COL24A1: variants seen among roughly 807,000 people sequenced by gnomAD.
COL24A1 encodes the protein collagen type XXIV alpha 1 chain, also known as collagen alpha-1(XXIV) chain.
COL24A1 carries 224 observed loss-of-function variants against 253.9 expected under a neutral mutation model. The observed-to-expected ratio is 0.88, with a 90% CI of 0.79 to 0.99. COL24A1 has a LOEUF of 0.99. COL24A1 is among the 50% of genes least tolerant of loss of function. The pLI, the probability that COL24A1 is intolerant of heterozygous loss-of-function variation, is 0.00. For synonymous variants in COL24A1, 685 were observed against 673.7 expected, an observed-to-expected ratio of 1.02 and a Z score of -0.26; for missense variants, 2,131 against 2,068.5, an observed-to-expected ratio of 1.03 and a Z score of -0.59.
chr1:85,921,542 TG>T (rs1291080212), intron 24 of COL24A1, among the ~76,000 whole-genome samples: 1 of 152,034 alleles, frequency 6.6e-6, no homozygotes, highest in African/African-American at 2.4e-5. Flanking sequence ...TGGTCTGGAG[TG>T]GACCTCCAGC....
At chr1:85,797,589 G>T (rs1670972791) in intron 47 of COL24A1, among the ~76,000 whole-genome samples, 2 of 152,300 alleles carry the variant, frequency 1.3e-5, no homozygotes, top group South Asian at 4.1e-4. Context: ...AAACTAAGAT[G>T]CCTGGTTTGA....
chr1:86,054,551 C>A (rs549071416), intron 10 of COL24A1, among the ~76,000 whole-genome samples: 1 of 152,004 alleles, frequency 6.6e-6, no homozygotes, highest in African/African-American at 2.4e-5. Context: ...AAATGCTCAA[C>A]GTAACTAATC....
intron 19 of COL24A1, among the ~76,000 whole-genome samples, chr1:85,996,642 CA>C (rs1694824434): frequency 6.6e-6 from 1 of 151,810 alleles, no homozygotes; most frequent in Non-Finnish European, 1.5e-5. Flanking sequence ...TCTCAAAAAA[CA>C]AAACAAAACA....
intron 24 of COL24A1, among the ~76,000 whole-genome samples, chr1:85,934,293 A>G (rs996320937): frequency 6.6e-6 from 1 of 152,214 alleles, no homozygotes; most frequent in Non-Finnish European, 1.5e-5. Context: ...AGTAGACTGC[A>G]CACTTCAGAT....
At chr1:85,966,286 A>T (rs1691563677) in intron 22 of COL24A1, among the ~76,000 whole-genome samples, 2 of 152,124 alleles carry the variant, frequency 1.3e-5, no homozygotes, top group East Asian at 1.9e-4. Context: ...GAGGGTAAAT[A>T]AGAAGCTAAG....
chr1:85,924,531 A>C (rs200677742), intron 24 of COL24A1, among the ~76,000 whole-genome samples: 1 of 152,186 alleles, frequency 6.6e-6, no homozygotes, highest in Non-Finnish European at 1.5e-5. Context: ...CAAATCAATA[A>C]ACATAATCCA....
rs186531231 is a variant in COL24A1 at position 85,955,856 on chromosome 1, A to G, written c.2562+5393T>C. On this transcript the variant is annotated intron_variant, in intron 24 of 59. Transcript: ENST00000370571. ...CTCTTTCAAAGTCTTTCCTATTTCT[A>G]TCACAAATACATTAAGTTATATTTT... 1.1e-3 allele frequency among the ~76,000 whole-genome samples: 171 copies of G among 152,344 alleles called. 1 individual carries two copies. The highest frequency in any genetic ancestry group is 3.8e-3 in the African/African-American group (156 of 41,586).
chr1:86,029,763 G>GCT (rs370292023), intron 14 of COL24A1: 2 of 151,872 alleles, frequency 1.3e-5, no homozygotes, highest in African/African-American at 4.8e-5. Context: ...CTACAGGTGT[G>GCT]CTCTACCTCA....
Position 86,089,192 on chromosome 1 carries a change from A to G in COL24A1, c.1689T>C (p.Pro563=). Residue 563 remains proline, a synonymous_variant, in exon 7 of 60, where the codon CCT becomes CCC. Coordinates refer to ENST00000370571, the MANE Select transcript of COL24A1 (RefSeq NM_152890.7). ...AACTTACCTTATCACCTTGCATACC[A>G]GGGGGGCCCATTAATCCAGAAAGGC... ...DQGLSGLMGP[P]GMQGDKGLKG... 1 of 1,585,666 alleles carries G rather than the reference A, an allele frequency of 6.3e-7. No homozygotes were observed. The highest frequency in any genetic ancestry group is 1.7e-4 in the Middle Eastern group (1 of 5,970).
intron 2 of COL24A1, among the ~76,000 whole-genome samples, chr1:86,142,585 T>C (rs999848666): frequency 1.3e-5 from 2 of 150,650 alleles, no homozygotes; most frequent in African/African-American, 4.9e-5. Flanking sequence ...AATAAGAAAT[T>C]AAACAAAATG....
chr1:86,099,785 C>T (rs1704284687), intron 5 of COL24A1, among the ~76,000 whole-genome samples: 1 of 152,126 alleles, frequency 6.6e-6, no homozygotes, highest in Non-Finnish European at 1.5e-5. Context: ...CAACTGGTAT[C>T]CCTGTTTCCA....
chr1:86,088,245 T>G (rs1017667863), intron 7 of COL24A1, among the ~76,000 whole-genome samples: 4 of 152,150 alleles, frequency 2.6e-5, no homozygotes, highest in Non-Finnish European at 4.4e-5. Context: ...CAGTTGGGGT[T>G]TGAACGAAGC....
At chr1:85,894,792 G>C (rs551314453) in intron 31 of COL24A1, among the ~76,000 whole-genome samples, 1 of 152,214 alleles carries the variant, frequency 6.6e-6, no homozygotes, top group South Asian at 2.1e-4. Context: ...TTCTGTCTTA[G>C]GTCTCTGGTA....
At chr1:85,907,568 A>G (rs1684960696) in intron 27 of COL24A1, among the ~76,000 whole-genome samples, 1 of 151,796 alleles carries the variant, frequency 6.6e-6, no homozygotes, top group Non-Finnish European at 1.5e-5. Flanking sequence ...TGAGCTAGAC[A>G]GACCGGTCTA....
intron 35 of COL24A1, among the ~76,000 whole-genome samples, chr1:85,873,640 A>G (rs997116274): frequency 6.6e-6 from 1 of 152,214 alleles, no homozygotes; most frequent in Non-Finnish European, 1.5e-5. Context: ...ATAAACAATG[A>G]GAACACTTGG....
chr1:85,938,972 CTCTT>C (rs1285262291), intron 24 of COL24A1, among the ~76,000 whole-genome samples: 6 of 152,288 alleles, frequency 3.9e-5, no homozygotes, highest in African/African-American at 2.4e-5. Context: ...TCTTCCCTGA[CTCTT>C]TCTACAACTG....
chr1:86,010,375 A>C (rs191383783), intron 19 of COL24A1, among the ~76,000 whole-genome samples: 2 of 152,292 alleles, frequency 1.3e-5, no homozygotes, highest in East Asian at 3.9e-4. Flanking sequence ...GAGTAAAATG[A>C]CCAAATACCT....
chr1:86,061,602 A>G (rs1407248612), intron 8 of COL24A1, among the ~76,000 whole-genome samples: 4 of 152,068 alleles, frequency 2.6e-5, no homozygotes, highest in Non-Finnish European at 5.9e-5. Flanking sequence ...CTCAATGTCT[A>G]AGTTCTGCTA....
At chr1:85,834,062 C>T (rs1334472112) in intron 43 of COL24A1, among the ~76,000 whole-genome samples, 3 of 151,478 alleles carry the variant, frequency 2.0e-5, no homozygotes, top group Non-Finnish European at 4.4e-5. Flanking sequence ...CACATGTATA[C>T]ATATGTAACA....
Sources: gnomAD v4.1 joint callset for allele counts (sites outside exome capture counted in the v4.1 genomes callset) on GRCh38, gnomAD v4.1.1 for gene constraint, MANE v1.5 for transcripts, NCBI Gene and HGNC (gene_info 2026-07-23, HGNC 2026-07-21) for gene names.